ERC2: variants seen among roughly 807,000 people sequenced by gnomAD.
ERC2 encodes the protein ERC protein 2.
In ERC2, 42 loss-of-function variants were observed where a neutral mutation model predicts 114.8. The observed-to-expected ratio is 0.37, with a 90% CI of 0.29 to 0.47. ERC2 has a LOEUF of 0.47. Among genes scored for constraint, ERC2 ranks in the 20% least tolerant of loss-of-function variants. The probability of loss-of-function intolerance (pLI) is 0.99; values close to 1 mark genes in which losing one functional copy is unlikely to be tolerated. For synonymous variants in ERC2, 454 were observed against 425.5 expected, an observed-to-expected ratio of 1.07 and a Z score of -0.82; for missense variants, 939 against 1,150.7, an observed-to-expected ratio of 0.82 and a Z score of 2.66.
At chr3:55,883,915 ACAACAACAACAACAC>A (rs1285318510) in intron 14 of ERC2, among the ~76,000 whole-genome samples, 1 of 151,800 alleles carries the variant, frequency 6.6e-6, no homozygotes, top group African/African-American at 2.4e-5. Context: ...AACAACAACA[ACAACAACAACAACAC>A]CACAAAACTG....
At chr3:56,020,251 C>T (rs1341050308) in intron 7 of ERC2, among the ~76,000 whole-genome samples, 2 of 152,094 alleles carry the variant, frequency 1.3e-5, no homozygotes, top group Non-Finnish European at 2.9e-5. Context: ...AACTTTGTGG[C>T]CTAACAAAGA....
intron 14 of ERC2, among the ~76,000 whole-genome samples, chr3:55,750,564 C>T (rs1033999077): frequency 6.6e-6 from 1 of 152,026 alleles, no homozygotes; most frequent in Non-Finnish European, 1.5e-5. Flanking sequence ...ATAAGGGTGA[C>T]AGCTGAGTAT....
At chr3:55,836,090 A>AATGAAAT (rs1419818968) in intron 14 of ERC2, among the ~76,000 whole-genome samples, 2 of 151,144 alleles carry the variant, frequency 1.3e-5, no homozygotes, top group African/African-American at 2.5e-5. Flanking sequence ...ACCACTGCTC[A>AATGAAAT]ATGAAATAAA....
At chr3:56,224,559 A>G (rs1032654029) in intron 3 of ERC2, among the ~76,000 whole-genome samples, 2 of 152,156 alleles carry the variant, frequency 1.3e-5, no homozygotes, top group East Asian at 1.9e-4. Context: ...GTCATGGCAT[A>G]TGACAAATTT....
chr3:56,421,948 A>G (rs2061406485), intron 2 of ERC2, among the ~76,000 whole-genome samples: 1 of 152,206 alleles, frequency 6.6e-6, no homozygotes, highest in Non-Finnish European at 1.5e-5. Context: ...CAAAAAGAAC[A>G]AAAAAGATAT....
intron 6 of ERC2, among the ~76,000 whole-genome samples, chr3:56,082,612 A>G (rs73072505): frequency 0.13 from 20,314 of 152,128 alleles, 1,448 homozygotes; most frequent in East Asian, 0.16. Context: ...ATCAGTCCTG[A>G]TCCCTTTGGC....
chr3:56,349,688 C>T (rs1001294520), intron 2 of ERC2, among the ~76,000 whole-genome samples: 2 of 152,146 alleles, frequency 1.3e-5, no homozygotes, highest in African/African-American at 4.8e-5. Context: ...AGGCAGATCA[C>T]AAGGTCAGCA....
rs745985388 is a variant in ERC2, at chr3:56,149,036, C to T, written c.1246G>A (p.Glu416Lys). ...ACCTCAATTTGTTTGATCTCTTCTTCGCGGTCCTCAGTGTTCAGCACACCA... is the reference window on the plus strand; with the variant it reads ...ACCTCAATTTGTTTGATCTCTTCTTTGCGGTCCTCAGTGTTCAGCACACCA... ...ANGVLNTEDR[E>K]EEIKQIEVYK... The change falls in exon 5 of 18, where the codon GAA (glutamate) becomes AAA (lysine). Residue 416 changes from glutamate (E) to lysine (K), a missense_variant. Transcript: ENST00000288221. 1.2e-5 allele frequency: 20 copies of T among 1,613,402 alleles called. No homozygotes were observed. In the East Asian group the frequency reaches 1.6e-4, roughly 13 times the overall value.
At chr3:56,405,123 G>A (rs181757856) in intron 2 of ERC2, among the ~76,000 whole-genome samples, 2 of 152,190 alleles carry the variant, frequency 1.3e-5, no homozygotes, top group East Asian at 3.9e-4. Context: ...CACAAAGGTT[G>A]GATACATTTG....
At chr3:55,910,619 G>C (rs574771923) in intron 13 of ERC2, among the ~76,000 whole-genome samples, 12 of 152,194 alleles carry the variant, frequency 7.9e-5, no homozygotes, top group African/African-American at 2.9e-4. Flanking sequence ...CAATTGCATG[G>C]CATTAATTTT....
At chr3:56,070,143 A>G (rs1227247736) in intron 7 of ERC2, among the ~76,000 whole-genome samples, 3 of 152,266 alleles carry the variant, frequency 2.0e-5, no homozygotes, top group East Asian at 1.9e-4. Flanking sequence ...AAAATTCTTC[A>G]CAGCAAAGCA....
intron 1 of ERC2, among the ~76,000 whole-genome samples, chr3:56,462,351 T>C (rs1449073956): frequency 1.3e-5 from 2 of 152,202 alleles, no homozygotes; most frequent in Non-Finnish European, 2.9e-5. Flanking sequence ...TTCCATTATC[T>C]TCTCATGTCC....
intron 13 of ERC2, among the ~76,000 whole-genome samples, chr3:55,934,072 G>A (rs1479929163): frequency 6.6e-6 from 1 of 152,180 alleles, no homozygotes. Flanking sequence ...AAATGGATAT[G>A]CATATGTGTA....
chr3:56,153,711 C>A (rs2081549817), intron 4 of ERC2, among the ~76,000 whole-genome samples: 1 of 152,144 alleles, frequency 6.6e-6, no homozygotes, highest in South Asian at 2.1e-4. Context: ...ACTGTGAATA[C>A]TGAAATGGTG....
intron 2 of ERC2, among the ~76,000 whole-genome samples, chr3:56,306,531 G>C (rs370176820): frequency 6.6e-6 from 1 of 152,172 alleles, no homozygotes; most frequent in Non-Finnish European, 1.5e-5. Context: ...CTTAGACAAG[G>C]TTCAAGGGCA....
At chr3:56,377,784 G>A (rs2059598555) in intron 2 of ERC2, among the ~76,000 whole-genome samples, 3 of 152,014 alleles carry the variant, frequency 2.0e-5, no homozygotes, top group African/African-American at 4.8e-5. Context: ...TCGGGAAGCT[G>A]TGGCAGGAGA....
At position 55,692,088 on chromosome 3, in the gene ERC2, A is replaced by G. The variant is rs576772587; in HGVS notation, c.2847+7290T>C. 6.8e-4 allele frequency among the ~76,000 whole-genome samples: 104 copies of G among 152,334 alleles called. No homozygotes were observed. In the South Asian group the frequency reaches 0.014, roughly 20 times the overall value. ...AATAACAACTCTATATACAGAATTCATCTTCTGGGGGCAACAGAGCAGGTT... is the reference window on the plus strand; with the variant it reads ...AATAACAACTCTATATACAGAATTCGTCTTCTGGGGGCAACAGAGCAGGTT... On this transcript the variant is annotated intron_variant, in intron 16 of 17. Coordinates refer to ENST00000288221, the MANE Select transcript of ERC2 (RefSeq NM_015576.3).
chr3:55,584,142 T>C (rs573715965), intron 17 of ERC2, among the ~76,000 whole-genome samples: 2 of 152,140 alleles, frequency 1.3e-5, no homozygotes, highest in South Asian at 2.1e-4. Flanking sequence ...TTAGCAGTAA[T>C]GTAGCCTCAG....
At chr3:55,952,184 C>CTATATA (rs1559923099) in intron 12 of ERC2, among the ~76,000 whole-genome samples, 1 of 82,348 alleles carries the variant, frequency 1.2e-5, no homozygotes, top group African/African-American at 4.6e-5. Flanking sequence ...CACACACTCT[C>CTATATA]TCTCTCTCTC....
Sources: gnomAD v4.1 joint callset for allele counts (sites outside exome capture counted in the v4.1 genomes callset) on GRCh38, gnomAD v4.1.1 for gene constraint, MANE v1.5 for transcripts, NCBI Gene and HGNC (gene_info 2026-07-23, HGNC 2026-07-21) for gene names.